Variants in GALNT13 observed in about 807,000 individuals in gnomAD.
GALNT13 encodes the protein polypeptide N-acetylgalactosaminyltransferase 13, also known as UDP-GalNAc:polypeptide N-acetylgalactosaminyltransferase 13.
Under a neutral mutation model 64.2 loss-of-function variants are expected in GALNT13, and 28 were observed. The ratio of observed to expected loss-of-function variants is 0.44; its 90% CI spans 0.32 to 0.60. The LOEUF is 0.60. GALNT13 is among the 20% of genes least tolerant of loss of function. The pLI is 0.05. For missense variants in GALNT13, 577 were observed against 669.8 expected, an observed-to-expected ratio of 0.86 and a Z score of 1.53; for synonymous variants, 214 against 224.6, an observed-to-expected ratio of 0.95 and a Z score of 0.42.
chr2:153,635,657 G>C, the GALNT13 span, among the ~76,000 whole-genome samples: 4 of 151,824 alleles, frequency 2.6e-5, no homozygotes, highest in Non-Finnish European at 5.9e-5. Context: ...GAACTCATTC[G>C]TATCTTTGGA....
the GALNT13 span, among the ~76,000 whole-genome samples, chr2:153,183,189 A>T: frequency 6.6e-6 from 1 of 152,170 alleles, no homozygotes; most frequent in Non-Finnish European, 1.5e-5. Flanking sequence ...ATGAGATGGT[A>T]TCTCATTGTG....
the GALNT13 span, among the ~76,000 whole-genome samples, chr2:153,570,955 T>C: frequency 6.6e-6 from 1 of 152,030 alleles, no homozygotes; most frequent in African/African-American, 2.4e-5. Context: ...TGTGGTTCCA[T>C]ATACATTTTA....
chr2:153,698,512 G>A, the GALNT13 span, among the ~76,000 whole-genome samples: 2 of 152,138 alleles, frequency 1.3e-5, no homozygotes, highest in African/African-American at 4.8e-5. Flanking sequence ...TCACATAATG[G>A]TAAAGGGATC....
chr2:153,992,874 G>C (rs72866871), intron 3 of GALNT13, among the ~76,000 whole-genome samples: 1 of 152,264 alleles, frequency 6.6e-6, no homozygotes, highest in Non-Finnish European at 1.5e-5. Context: ...TATTTTTATT[G>C]ATGCTTATAG....
the GALNT13 span, among the ~76,000 whole-genome samples, chr2:153,247,830 A>G: frequency 6.6e-6 from 1 of 152,212 alleles, no homozygotes; most frequent in African/African-American, 2.4e-5. Flanking sequence ...AAACTAATAA[A>G]GAAGAAAAGA....
chr2:154,198,819 A>G (rs1029043992), intron 4 of GALNT13, among the ~76,000 whole-genome samples: 1 of 152,086 alleles, frequency 6.6e-6, no homozygotes, highest in Admixed American at 6.6e-5. Flanking sequence ...TATACTGTCT[A>G]TGGTTGTTGT....
chr2:153,739,709 A>G, the GALNT13 span, among the ~76,000 whole-genome samples: 1 of 150,726 alleles, frequency 6.6e-6, no homozygotes, highest in Non-Finnish European at 1.5e-5. Context: ...TATCACATAA[A>G]CTTACTTTGG....
chr2:154,113,073 G>T (rs1337866465), intron 3 of GALNT13, among the ~76,000 whole-genome samples: 1 of 152,170 alleles, frequency 6.6e-6, no homozygotes, highest in Non-Finnish European at 1.5e-5. Context: ...CAGGTGGCAT[G>T]GTGCCTTGAT....
chr2:154,208,531 G>A (rs1573878578), intron 4 of GALNT13, among the ~76,000 whole-genome samples: 1 of 151,948 alleles, frequency 6.6e-6, no homozygotes, highest in Admixed American at 6.6e-5. Context: ...GTCATGCAGT[G>A]GCAGAACCAC....
the GALNT13 span, among the ~76,000 whole-genome samples, chr2:153,089,998 G>T: frequency 2.5e-3 from 385 of 152,188 alleles, no homozygotes; most frequent in African/African-American, 8.9e-3. Context: ...TTTTGGGGGT[G>T]TTATAGGACC....
chr2:153,560,951 C>A, the GALNT13 span, among the ~76,000 whole-genome samples: 1 of 151,988 alleles, frequency 6.6e-6, no homozygotes, highest in East Asian at 1.9e-4. Flanking sequence ...CAATACATTT[C>A]CATTTGGTCA....
the GALNT13 span, among the ~76,000 whole-genome samples, chr2:153,603,304 C>T: frequency 4.6e-5 from 7 of 151,850 alleles, no homozygotes; most frequent in South Asian, 1.2e-3. Flanking sequence ...GGAATAGCAG[C>T]GACTCATGTC....
chr2:154,211,755 C>G (rs996429755), intron 4 of GALNT13, among the ~76,000 whole-genome samples: 1 of 151,052 alleles, frequency 6.6e-6, no homozygotes, highest in African/African-American at 2.4e-5. Context: ...ATGGAAACAT[C>G]GTTATGCAGT....
At chr2:153,883,870 T>G (rs1343876371) in intron 1 of GALNT13, among the ~76,000 whole-genome samples, 3 of 152,084 alleles carry the variant, frequency 2.0e-5, no homozygotes, top group Non-Finnish European at 4.4e-5. Flanking sequence ...TACATGGTAT[T>G]TACTGATTTT....
At chr2:154,195,329 T>C (rs1251051423) in intron 4 of GALNT13, among the ~76,000 whole-genome samples, 2 of 152,174 alleles carry the variant, frequency 1.3e-5, no homozygotes, top group Non-Finnish European at 2.9e-5. Flanking sequence ...ACAGTGCTAT[T>C]AAAAACAGTT....
At chr2:154,026,377 A>C (rs1697966617) in intron 3 of GALNT13, among the ~76,000 whole-genome samples, 1 of 152,176 alleles carries the variant, frequency 6.6e-6, no homozygotes, top group African/African-American at 2.4e-5. Context: ...AGTTCAGTAG[A>C]AAGTGTGGAT....
chr2:153,897,933 A>G (rs1355134102), intron 1 of GALNT13, among the ~76,000 whole-genome samples: 1 of 141,280 alleles, frequency 7.1e-6, no homozygotes, highest in Non-Finnish European at 1.6e-5. Context: ...TTCTTCCAGA[A>G]AAAAATGCCA....
chr2:153,702,870 A>G, the GALNT13 span, among the ~76,000 whole-genome samples: 1 of 152,192 alleles, frequency 6.6e-6, no homozygotes, highest in African/African-American at 2.4e-5. Context: ...AATTAAAGGC[A>G]TGAAACCAGG....
intron 3 of GALNT13, among the ~76,000 whole-genome samples, chr2:153,978,614 T>G (rs1694236351): frequency 6.6e-6 from 1 of 152,138 alleles, no homozygotes; most frequent in Non-Finnish European, 1.5e-5. Flanking sequence ...ATTTTTCTCT[T>G]GCCACCACCA....
Sources: allele counts gnomAD v4.1 joint callset (sites outside exome capture counted in the v4.1 genomes callset), GRCh38; gene constraint gnomAD v4.1.1; transcripts MANE v1.5; gene names NCBI Gene and HGNC (gene_info 2026-07-23, HGNC 2026-07-21).